TXLNG: variants seen among roughly 807,000 people sequenced by gnomAD.
TXLNG encodes gamma-taxilin.
In TXLNG, 5 loss-of-function variants were observed where a neutral mutation model predicts 38.8. That is an observed-to-expected ratio of 0.13 (90% CI 0.07 to 0.27). TXLNG has a LOEUF of 0.27. Among genes scored for constraint, TXLNG ranks in the 10% least tolerant of loss-of-function variants. The pLI, the probability that TXLNG is intolerant of heterozygous loss-of-function variation, is 1.00. For synonymous variants in TXLNG, 182 were observed against 158.2 expected, an observed-to-expected ratio of 1.15 and a Z score of -1.13; for missense variants, 393 against 398.2, an observed-to-expected ratio of 0.99 and a Z score of 0.11.
At chrX:16,821,235 G>A (rs1252377072) in intron 3 of TXLNG, among the ~76,000 whole-genome samples, 2 of 101,689 alleles carry the variant, frequency 2.0e-5, no homozygotes, top group African/African-American at 7.3e-5. Flanking sequence ...CCGCCTCCCG[G>A]GTTCAAGCTA....
At chrX:16,811,737 A>G (rs1461343393) in intron 1 of TXLNG, among the ~76,000 whole-genome samples, 1 of 104,425 alleles carries the variant, frequency 9.6e-6, no homozygotes, top group African/African-American at 3.5e-5. Flanking sequence ...CCCGGGTTCA[A>G]GTGATTCTCC....
At chrX:16,811,517 T>C (rs1569265513) in intron 1 of TXLNG, among the ~76,000 whole-genome samples, 1 of 110,814 alleles carries the variant, frequency 9.0e-6, no homozygotes, top group Admixed American at 9.7e-5. Flanking sequence ...CCAGCTAATT[T>C]TTGTGGTTTT....
chrX:16,806,733 C>T (rs1043996253), intron 1 of TXLNG, among the ~76,000 whole-genome samples: 5 of 109,961 alleles, frequency 4.5e-5, no homozygotes, highest in African/African-American at 1.7e-4. Context: ...CTGGTTAACA[C>T]GGTGAAACCC....
intron 3 of TXLNG, among the ~76,000 whole-genome samples, chrX:16,821,632 T>C (rs913896749): frequency 1.8e-5 from 2 of 112,627 alleles, no homozygotes; most frequent in African/African-American, 3.2e-5. Context: ...TCTTCATCTG[T>C]TAAAACAGTT....
chrX:16,832,667 C>G lies in TXLNG; in HGVS notation c.909C>G (p.Leu303=). 8.3e-7 allele frequency: 1 copy of G among 1,209,624 alleles called. No individual in the cohort carries two copies. The highest frequency in any genetic ancestry group is 1.1e-6 in the Non-Finnish European group (1 of 894,451). ...AACATAAGGAACTGCAACAGCAGCT[C>G]GTGGATGCCAAACTGCAGCAAACGA... ...VFKHKELQQQ[L]VDAKLQQTTQ... is the part of the protein sequence containing the mutation. The change falls in exon 6 of 10, where the codon CTC becomes CTG. Residue 303 remains leucine, a synonymous_variant. Transcript: ENST00000380122.
intron 1 of TXLNG, among the ~76,000 whole-genome samples, chrX:16,814,471 C>T (rs1163562240): frequency 6.3e-5 from 7 of 111,359 alleles, no homozygotes; most frequent in African/African-American, 6.5e-5. Context: ...AAAAATTAGC[C>T]GGGCATGGTT....
intron 1 of TXLNG, among the ~76,000 whole-genome samples, chrX:16,798,020 T>C (rs1446959756): frequency 8.9e-6 from 1 of 112,365 alleles, no homozygotes; most frequent in Admixed American, 9.5e-5. Flanking sequence ...GCCTCACACA[T>C]GTATGTAGTT....
At chrX:16,839,751 T>C in intron 8 of TXLNG, 70 bp from the exon 9 acceptor site, 1 of 788,253 alleles carries the variant, frequency 1.3e-6, no homozygotes, top group Non-Finnish European at 1.8e-6. Context: ...AGAAACATTT[T>C]TGTGTACTGG....
intron 3 of TXLNG, among the ~76,000 whole-genome samples, chrX:16,820,532 T>C (rs1211430162): frequency 9.0e-6 from 1 of 111,598 alleles, no homozygotes. Flanking sequence ...CATTGCTATG[T>C]TGTGATGCCT....
In TXLNG at chrX:16,830,697, AT is replaced by A. The variant is rs143160838; in HGVS notation, c.864+937del. Among the ~76,000 whole-genome samples, 994 of 101,829 alleles carry A rather than the reference AT, an allele frequency of 9.8e-3. 7 individuals carry two copies. The highest frequency in any genetic ancestry group is 0.014 in the Non-Finnish European group (706 of 49,938). 88.4% of individuals were successfully genotyped at this position (101,829 alleles called of 115,157 possible). A position where few individuals can be genotyped will look rare whatever the true frequency, so the allele number is the denominator to read the frequency against. On this transcript the variant is annotated intron_variant, in intron 5 of 9. Coordinates refer to ENST00000380122, the MANE Select transcript of TXLNG (RefSeq NM_018360.3). ...TACATACAGCCCTTCAAAAACTGCT[AT>A]TTTTTTTTTAAAGATTTTATTTTTC...
At chrX:16,840,335 C>G in intron 9 of TXLNG, 1 of 449,271 alleles carries the variant, frequency 2.2e-6, no homozygotes, top group Non-Finnish European at 2.8e-6. Context: ...GCCTCTCTAA[C>G]AAGCATGCAG....
At chrX:16,822,310 C>T (rs1412239485) in intron 3 of TXLNG, among the ~76,000 whole-genome samples, 2 of 109,257 alleles carry the variant, frequency 1.8e-5, no homozygotes, top group East Asian at 2.9e-4. Context: ...CACTGCACTC[C>T]AGCCTGGACG....
chrX:16,840,756 A>C (rs777221083), intron 9 of TXLNG, among the ~76,000 whole-genome samples: 53 of 111,099 alleles, frequency 4.8e-4, no homozygotes, highest in African/African-American at 1.6e-3. Flanking sequence ...CGGGCGACAG[A>C]GCGAGACTGT....
At chrX:16,790,634 A>G (rs1851741215) in intron 1 of TXLNG, among the ~76,000 whole-genome samples, 1 of 112,188 alleles carries the variant, frequency 8.9e-6, no homozygotes, top group Non-Finnish European at 1.9e-5. Flanking sequence ...TTAGGTCCAT[A>G]AACCATGTGG....
chrX:16,843,630 C>T lies in TXLNG; in HGVS notation c.*1864C>T, dbSNP rs778415045. On this transcript the variant is annotated 3_prime_UTR_variant, in exon 10 of 10. Coordinates refer to ENST00000380122, the MANE Select transcript of TXLNG (RefSeq NM_018360.3). ...TTTCACAAGAACTCTGCTGGATGTA[C>T]AGCTCTTAACATTTTATTAAGCCAT... 92 of 112,052 alleles carry T rather than the reference C, an allele frequency of 8.2e-4. No individual in the cohort carries two copies. Among genetic ancestry groups the T allele is most frequent in the African/African-American group, 2.8e-3 (85 of 30,813 alleles). The allele number at this position is 112,052 out of a possible 1,213,427, so 9.2% of individuals were successfully genotyped here. A position where few individuals can be genotyped will look rare whatever the true frequency, so the allele number is the denominator to read the frequency against.
At chrX:16,796,771 C>T (rs1927903997) in intron 1 of TXLNG, among the ~76,000 whole-genome samples, 1 of 110,852 alleles carries the variant, frequency 9.0e-6, no homozygotes, top group African/African-American at 3.3e-5. Flanking sequence ...AAGATGTGGA[C>T]CCCTTTCTGG....
chrX:16,840,578 C>G (rs1373411820), intron 9 of TXLNG: 1 of 342,093 alleles, frequency 2.9e-6, no homozygotes, highest in Admixed American at 9.3e-5. Flanking sequence ...TCGAGACCAG[C>G]CTGGCCAACA....
At chrX:16,800,041 G>T (rs756191204) in intron 1 of TXLNG, among the ~76,000 whole-genome samples, 1 of 108,419 alleles carries the variant, frequency 9.2e-6, no homozygotes, top group Non-Finnish European at 1.9e-5. Flanking sequence ...CGGAGTTCAA[G>T]TGATTCTCTT....
At chrX:16,796,895 G>T (rs1927908966) in intron 1 of TXLNG, among the ~76,000 whole-genome samples, 1 of 111,279 alleles carries the variant, frequency 9.0e-6, no homozygotes, top group African/African-American at 3.3e-5. Context: ...ACACATTATT[G>T]ACAGTCCCAA....
Sources: gnomAD v4.1 joint callset for allele counts (sites outside exome capture counted in the v4.1 genomes callset) on GRCh38, gnomAD v4.1.1 for gene constraint, MANE v1.5 for transcripts, NCBI Gene and HGNC (gene_info 2026-07-23, HGNC 2026-07-21) for gene names.